PLEKHA8: variants seen among roughly 807,000 people sequenced by gnomAD.
The protein encoded by PLEKHA8 is pleckstrin homology domain containing A8, also known as pleckstrin homology domain-containing family A member 8.
PLEKHA8 carries 36 observed loss-of-function variants against 68.2 expected under a neutral mutation model. The observed-to-expected ratio is 0.53, with a 90% CI of 0.40 to 0.70. The LOEUF is 0.70. Among genes scored for constraint, PLEKHA8 ranks in the 30% least tolerant of loss-of-function variants. The pLI is 0.00. For missense variants in PLEKHA8, 505 were observed against 615.4 expected (o/e 0.82, Z 1.90); for synonymous variants, 211 against 216.1 (o/e 0.98, Z 0.20).
chr7:30,051,123 C>T (rs1792373685), intron 6 of PLEKHA8, among the ~76,000 whole-genome samples: 1 of 152,190 alleles, frequency 6.6e-6, no homozygotes, highest in Admixed American at 6.5e-5. Context: ...TGGTCTTGAA[C>T]TCCTGAGCTC....
intron 7 of PLEKHA8, among the ~76,000 whole-genome samples, chr7:30,054,458 T>C (rs1792667568): frequency 6.6e-6 from 1 of 152,192 alleles, no homozygotes; most frequent in African/African-American, 2.4e-5. Flanking sequence ...ATTAAAATCA[T>C]GTTTTTGAAG....
chr7:30,090,043 G>A lies in PLEKHA8; in HGVS notation c.1301-110G>A, dbSNP rs1054323173. 2.7e-6 allele frequency: 3 copies of A among 1,097,026 alleles called. No homozygotes were observed. The African/African-American group carries it at 4.8e-5, about 17-fold the overall frequency. The allele number at this position is 1,097,026 out of a possible 1,614,324, so 68.0% of individuals were successfully genotyped here. ...AGATATTCTGACATAAGAATAATTGGTGACCAAAAATAAAAAGGAACTAAA... is the reference window on the plus strand; with the variant it reads ...AGATATTCTGACATAAGAATAATTGATGACCAAAAATAAAAAGGAACTAAA... On this transcript the variant is annotated intron_variant, in intron 12 of 12. Transcript: ENST00000258679.
At chr7:30,052,339 A>T (rs1441778818) in intron 6 of PLEKHA8, among the ~76,000 whole-genome samples, 4 of 152,192 alleles carry the variant, frequency 2.6e-5, no homozygotes, top group Non-Finnish European at 5.9e-5. Context: ...CTACCTGGGC[A>T]GTCAATTTAT....
At chr7:30,072,849 A>G (rs1794340667) in intron 12 of PLEKHA8, among the ~76,000 whole-genome samples, 1 of 152,250 alleles carries the variant, frequency 6.6e-6, no homozygotes, top group African/African-American at 2.4e-5. Context: ...TGTGCTGTTA[A>G]TTTAGAAATG....
intron 13 of PLEKHA8, among the ~76,000 whole-genome samples, chr7:30,075,936 T>A (rs1173619575): frequency 1.3e-5 from 2 of 152,116 alleles, no homozygotes; most frequent in East Asian, 3.8e-4. Flanking sequence ...ATTTTAGAAA[T>A]CATGGTAGAA....
At chr7:30,072,046 G>A (rs1263284639) in intron 12 of PLEKHA8, 1 of 152,170 alleles carries the variant, frequency 6.6e-6, no homozygotes, top group East Asian at 1.9e-4. Context: ...TCTTCTTACA[G>A]GGAATCACCT....
chr7:30,076,058 AAATAT>A lies in PLEKHA8; in HGVS notation c.1362+1933_1362+1937del, dbSNP rs1348669775. ...AAATATTGATCTATTTTATATACTT[AAATAT>A]AATATAGATGTTTATACATGCATAT... On this transcript the variant is annotated intron_variant, in intron 13 of 13. Coordinates refer to ENST00000449726, the MANE Select transcript of PLEKHA8 (RefSeq NM_001197026.2). 4.6e-5 allele frequency among the ~76,000 whole-genome samples: 7 copies of A among 152,010 alleles called. No individual in the cohort carries two copies. In the South Asian group the frequency reaches 8.3e-4, roughly 18 times the overall value.
chr7:30,043,026 CA>C (rs1791661669), intron 1 of PLEKHA8, among the ~76,000 whole-genome samples: 1 of 123,726 alleles, frequency 8.1e-6, no homozygotes, highest in South Asian at 2.5e-4. Context: ...TTGTTTGTGA[CA>C]AGGTCTCACT....
At chr7:30,115,399 G>C (rs1367324286) in intron 13 of PLEKHA8, among the ~76,000 whole-genome samples, 1 of 151,864 alleles carries the variant, frequency 6.6e-6, no homozygotes, top group Non-Finnish European at 1.5e-5. Context: ...TGTTTTAAAT[G>C]TTTTCTCCTT....
chr7:30,039,615 A>G (rs1445046005), intron 1 of PLEKHA8, among the ~76,000 whole-genome samples: 1 of 152,146 alleles, frequency 6.6e-6, no homozygotes, highest in Admixed American at 6.5e-5. Context: ...TCATTTTCAG[A>G]TTTTTCATTG....
At chr7:30,065,368 T>A (rs1793762689) in intron 12 of PLEKHA8, among the ~76,000 whole-genome samples, 1 of 152,140 alleles carries the variant, frequency 6.6e-6, no homozygotes, top group South Asian at 2.1e-4. Flanking sequence ...TATGAGGAGA[T>A]AAAGTTCCCC....
intron 4 of PLEKHA8, 143 bp from the exon 5 acceptor site, chr7:30,049,081 G>T (rs62446678): frequency 3.2e-6 from 3 of 943,770 alleles, no homozygotes; most frequent in South Asian, 1.6e-5. Context: ...GATAAATTGG[G>T]CTTTTCTTTT....
chr7:30,089,550 T>C (rs533324641), downstream of PLEKHA8, among the ~76,000 whole-genome samples: 3 of 152,308 alleles, frequency 2.0e-5, no homozygotes, highest in South Asian at 6.2e-4. Context: ...TCAAGGAGAA[T>C]ACACTGACAC....
In PLEKHA8 at chr7:30,082,569, T is replaced by A. The variant is rs1264793087; in HGVS notation, c.*3782T>A. 3 of 985,156 alleles carry A rather than the reference T, an allele frequency of 3.0e-6. No homozygotes were observed. The highest frequency in any genetic ancestry group is 3.5e-5 in the African/African-American group (2 of 57,198). 61.0% of individuals were successfully genotyped at this position (985,156 alleles called of 1,614,324 possible). On this transcript the variant is annotated 3_prime_UTR_variant, in exon 14 of 14. Transcript: ENST00000449726. ...ATTAGAGGAGTGCAGCGGAAAAAAA[T>A]TTGCACTCTTCTCCTTTTGGTTATT...
At position 30,084,164 on chromosome 7, in the gene PLEKHA8, A is replaced by G. The variant is rs115058618; in HGVS notation, c.*5377A>G. On this transcript the variant is annotated 3_prime_UTR_variant, in exon 14 of 14. Transcript: ENST00000449726. ...ATAGACTTAACAAATTAATGTCTAC[A>G]TAAAGAAGAAACATGATAGACCAGA... The G allele has an allele frequency of 5.9e-4, 581 of 985,288 alleles. 4 individuals are homozygous for G. In the African/African-American group the frequency reaches 9.6e-3, roughly 16 times the overall value. The allele number at this position is 985,288 out of a possible 1,614,324, so 61.0% of individuals were successfully genotyped here.
intron 6 of PLEKHA8, among the ~76,000 whole-genome samples, chr7:30,052,198 A>G (rs1583813149): frequency 6.6e-6 from 1 of 152,348 alleles, no homozygotes; most frequent in East Asian, 1.9e-4. Context: ...TGGGAAAGCC[A>G]TTAATGGCTC....
intron 13 of PLEKHA8, among the ~76,000 whole-genome samples, chr7:30,115,635 TACATGCAC>T (rs1270388254): frequency 1.3e-5 from 2 of 151,624 alleles, no homozygotes; most frequent in Non-Finnish European, 2.9e-5. Context: ...CATGTACACA[TACATGCAC>T]ACATGTACAC....
At chr7:30,105,830 A>G (rs1796035365) in intron 13 of PLEKHA8, among the ~76,000 whole-genome samples, 1 of 152,188 alleles carries the variant, frequency 6.6e-6, no homozygotes, top group African/African-American at 2.4e-5. Flanking sequence ...CATTGGTTAT[A>G]TGAGTAGCAA....
At chr7:30,093,440 C>T (rs1375162873), downstream of PLEKHA8, among the ~76,000 whole-genome samples, 1 of 152,182 alleles carries the variant, frequency 6.6e-6, no homozygotes, top group East Asian at 1.9e-4. Context: ...GACAGCCTGC[C>T]TCTAAGCCCA....
Sources: allele counts gnomAD v4.1 joint callset (sites outside exome capture counted in the v4.1 genomes callset), GRCh38; gene constraint gnomAD v4.1.1; transcripts MANE v1.5; gene names NCBI Gene and HGNC (gene_info 2026-07-23, HGNC 2026-07-21).